The following MYO3B variants were observed in gnomAD, a reference collection of about 807,000 sequenced individuals.
MYO3B encodes the protein myosin IIIB.
MYO3B carries 156 observed loss-of-function variants against 174.6 expected under a neutral mutation model. The ratio of observed to expected loss-of-function variants is 0.89; its 90% CI spans 0.78 to 1.02. MYO3B has a LOEUF of 1.02. MYO3B is among the 50% of genes least tolerant of loss of function. MYO3B has a pLI of 0.00. For synonymous variants in MYO3B, 563 were observed against 569.1 expected (o/e 0.99, Z 0.15); for missense variants, 1,632 against 1,639.4 (o/e 1.00, Z 0.08).
At chr2:170,358,723 C>G (rs1005048130) in intron 8 of MYO3B, among the ~76,000 whole-genome samples, 1 of 152,166 alleles carries the variant, frequency 6.6e-6, no homozygotes, top group Admixed American at 6.5e-5. Context: ...TGCAACCACT[C>G]ATTTTGAGCA....
intron 8 of MYO3B, among the ~76,000 whole-genome samples, chr2:170,339,672 G>A (rs939016750): frequency 1.3e-5 from 2 of 152,176 alleles, no homozygotes; most frequent in African/African-American, 4.8e-5. Context: ...ACATCTAAAA[G>A]TCTGAAATAC....
chr2:170,634,429 A>T (rs1369679398), intron 32 of MYO3B, among the ~76,000 whole-genome samples: 1 of 152,216 alleles, frequency 6.6e-6, no homozygotes, highest in East Asian at 1.9e-4. Context: ...TAGAAAGCGG[A>T]AACTGGATCC....
chr2:170,375,721 G>GCACACACACA (rs60928016), intron 9 of MYO3B, among the ~76,000 whole-genome samples: 9 of 148,712 alleles, frequency 6.1e-5, no homozygotes, highest in African/African-American at 1.5e-4. Context: ...GTGCATGCAT[G>GCACACACACA]CACACACACA....
At chr2:170,375,094 A>G (rs2105709428) in intron 9 of MYO3B, among the ~76,000 whole-genome samples, 1 of 152,280 alleles carries the variant, frequency 6.6e-6, no homozygotes, top group East Asian at 1.9e-4. Context: ...CATCTGTTGG[A>G]GGTGTTTTTA....
At chr2:170,629,358 C>G (rs892926615) in intron 32 of MYO3B, among the ~76,000 whole-genome samples, 1 of 152,160 alleles carries the variant, frequency 6.6e-6, no homozygotes. Flanking sequence ...GCTACAGAGT[C>G]TTAGATCTTC....
rs137994897 is a variant in MYO3B, at chr2:170,599,489, G to A, written c.3734-52139G>A. ...TTACCGTTAAAAGGGTTTTTTTGCC[G>A]TAATCCCAGCAATTTGGGAGGCCAA... On this transcript the variant is annotated intron_variant, in intron 32 of 34. Transcript: ENST00000408978. Among the ~76,000 whole-genome samples, 181 of 151,996 alleles carry A rather than the reference G, an allele frequency of 1.2e-3. 2 individuals carry two copies. The highest frequency in any genetic ancestry group is 3.4e-4 in the Non-Finnish European group (23 of 67,940).
At chr2:170,223,805 C>A (rs779243891) in intron 6 of MYO3B, among the ~76,000 whole-genome samples, 3 of 152,102 alleles carry the variant, frequency 2.0e-5, no homozygotes, top group Non-Finnish European at 2.9e-5. Flanking sequence ...GAGAAAGAAC[C>A]AATGTTGTCA....
intron 23 of MYO3B, among the ~76,000 whole-genome samples, chr2:170,459,753 C>T (rs560721043): frequency 1.4e-4 from 21 of 152,280 alleles, no homozygotes; most frequent in East Asian, 5.8e-4. Context: ...TTGGGCATGG[C>T]GGGCTGCGGG....
chr2:170,457,508 A>C (rs555475910), intron 23 of MYO3B, among the ~76,000 whole-genome samples: 1 of 152,202 alleles, frequency 6.6e-6, no homozygotes, highest in African/African-American at 2.4e-5. Flanking sequence ...ATTTTTTGTG[A>C]AAAACAAAGA....
intron 32 of MYO3B, among the ~76,000 whole-genome samples, chr2:170,556,438 A>G (rs1691296801): frequency 6.6e-6 from 1 of 151,992 alleles, no homozygotes; most frequent in Non-Finnish European, 1.5e-5. Context: ...TGGCTTTACC[A>G]TTTTGCATTT....
chr2:170,357,855 A>G (rs2094133954), intron 8 of MYO3B, among the ~76,000 whole-genome samples: 1 of 152,226 alleles, frequency 6.6e-6, no homozygotes, highest in Admixed American at 6.5e-5. Context: ...ATAATAGCTT[A>G]AAAGTAGAAA....
At chr2:170,609,877 G>T (rs1379248250) in intron 32 of MYO3B, among the ~76,000 whole-genome samples, 1 of 152,236 alleles carries the variant, frequency 6.6e-6, no homozygotes, top group Non-Finnish European at 1.5e-5. Context: ...ACTCTGGGTG[G>T]GGAAAGGGGG....
At chr2:170,326,273 C>A (rs1474237212) in intron 7 of MYO3B, among the ~76,000 whole-genome samples, 1 of 151,936 alleles carries the variant, frequency 6.6e-6, no homozygotes, top group Non-Finnish European at 1.5e-5. Flanking sequence ...GATGGAAAAG[C>A]ATTTAGAGAA....
Position 170,466,504 on chromosome 2 carries a change from A to G in MYO3B, c.2809-2A>G, listed in dbSNP as rs1298346910. The stretch of plus-strand genomic sequence containing the variant: ...TTCCTTGTGCATTTTTCTCCCTGGT[A>G]GTATTCTCTGATGGACCTGCTCTCC... On this transcript the variant is annotated splice_acceptor_variant, in intron 24 of 34. Coordinates refer to ENST00000408978, the MANE Select transcript of MYO3B (RefSeq NM_138995.5). LOFTEE classifies it high-confidence loss of function. 9 of 1,613,766 alleles carry G rather than the reference A, an allele frequency of 5.6e-6. No homozygotes were observed. The highest frequency in any genetic ancestry group is 1.1e-5 in the South Asian group (1 of 91,070).
At chr2:170,611,722 A>G (rs10515935) in intron 32 of MYO3B, among the ~76,000 whole-genome samples, 17,476 of 152,214 alleles carry the variant, frequency 0.11, 1,569 homozygotes, top group East Asian at 0.45. Context: ...AATAGCAACC[A>G]TGGGTATAGC....
In MYO3B at chr2:170,199,196, T is replaced by A; in HGVS notation, c.3-12T>A. 6.4e-7 allele frequency: 1 copy of A among 1,574,766 alleles called. No homozygotes were observed. Among genetic ancestry groups the A allele is most frequent in the Non-Finnish European group, 8.6e-7 (1 of 1,159,508 alleles). ...TGATCTGTTGCACATAACAAATTTT[T>A]CCCCCAACCAGGAAACATCTGTATG... On this transcript the variant is annotated splice_polypyrimidine_tract_variant and intron_variant, in intron 1 of 34. Coordinates refer to ENST00000408978, the MANE Select transcript of MYO3B (RefSeq NM_138995.5).
At chr2:170,600,335 T>G (rs1005915755) in intron 32 of MYO3B, among the ~76,000 whole-genome samples, 6 of 151,988 alleles carry the variant, frequency 3.9e-5, no homozygotes, top group African/African-American at 1.4e-4. Context: ...AAAACAATAA[T>G]CTCGAAAACC....
At chr2:170,207,249 ACAGT>A (rs1423380021) in intron 3 of MYO3B, among the ~76,000 whole-genome samples, 1 of 152,046 alleles carries the variant, frequency 6.6e-6, no homozygotes, top group Non-Finnish European at 1.5e-5. Context: ...TTAGGGGAAA[ACAGT>A]CAGATCTCCC....
chr2:170,592,814 AC>A (rs1461655234), intron 32 of MYO3B, among the ~76,000 whole-genome samples: 1 of 152,140 alleles, frequency 6.6e-6, no homozygotes, highest in East Asian at 1.9e-4. Context: ...AGGGGGTCTT[AC>A]CATCTCTTAC....
Sources: allele counts gnomAD v4.1 joint callset (sites outside exome capture counted in the v4.1 genomes callset), GRCh38; gene constraint gnomAD v4.1.1; transcripts MANE v1.5; gene names NCBI Gene and HGNC (gene_info 2026-07-23, HGNC 2026-07-21).